The following COL12A1 variants were observed in gnomAD, a reference collection of about 807,000 sequenced individuals.
The protein encoded by COL12A1 is collagen type XII alpha 1 chain.
A neutral mutation model predicts 349.7 loss-of-function variants in COL12A1; 114 were observed. The observed-to-expected ratio is 0.33, with a 90% CI of 0.28 to 0.38. The LOEUF (loss-of-function observed/expected upper bound fraction) is 0.38. Among genes scored for constraint, COL12A1 ranks in the 10% least tolerant of loss-of-function variants. COL12A1 has a pLI of 1.00. For missense variants in COL12A1, 3,284 were observed against 3,756.9 expected, an observed-to-expected ratio of 0.87 and a Z score of 3.29; for synonymous variants, 1,369 against 1,329.0, an observed-to-expected ratio of 1.03 and a Z score of -0.66.
intron 39 of COL12A1, 79 bp downstream of exon 39, chr6:75,126,272 T>A (rs904917825): frequency 1.3e-6 from 2 of 1,491,434 alleles, no homozygotes; most frequent in African/African-American, 1.4e-5. Context: ...AACCCAACAG[T>A]GGGGGATGAA....
chr6:75,120,830 T>C (rs566223380), intron 44 of COL12A1, among the ~76,000 whole-genome samples: 1 of 152,286 alleles, frequency 6.6e-6, no homozygotes, highest in African/African-American at 2.4e-5. Flanking sequence ...ACAAATGAAA[T>C]ACGCTTTAGC....
chr6:75,086,588 A>G, intron 65 of COL12A1, 31 bp from the exon 66 acceptor site: 1 of 1,585,428 alleles, frequency 6.3e-7, no homozygotes, highest in Non-Finnish European at 8.6e-7. Flanking sequence ...TAGTTTTTAA[A>G]AGTTGAATGA....
chr6:75,163,623 A>G (rs567900567), intron 14 of COL12A1, among the ~76,000 whole-genome samples: 1 of 152,220 alleles, frequency 6.6e-6, no homozygotes, highest in South Asian at 2.1e-4. Flanking sequence ...TAAAAAACCT[A>G]CACATTCTGC....
chr6:75,098,673 G>A (rs1339931192), intron 58 of COL12A1, among the ~76,000 whole-genome samples: 1 of 151,970 alleles, frequency 6.6e-6, no homozygotes, highest in African/African-American at 2.4e-5. Context: ...AAAAACAGAG[G>A]TAAAGCTGTC....
At chr6:75,188,116 C>T (rs995291688) in intron 8 of COL12A1, among the ~76,000 whole-genome samples, 1 of 152,088 alleles carries the variant, frequency 6.6e-6, no homozygotes. Context: ...TAAATCATAA[C>T]TTGTCCCCCA....
chr6:75,130,289 C>A lies in COL12A1; in HGVS notation c.6068-56G>T. 4 of 1,565,264 alleles carry A rather than the reference C, an allele frequency of 2.6e-6. No homozygotes were observed. In the South Asian group the frequency reaches 4.7e-5, roughly 18 times the overall value. On this transcript the variant is annotated intron_variant, in intron 36 of 65. Transcript: ENST00000322507. The stretch of plus-strand genomic sequence containing the variant: ...GCCTGCCTGTGAGCATTACCTAAGT[C>A]AGATTAAGGAGGTTGCTTGCATGTG...
At chr6:75,130,685 C>A (rs1766256510) in intron 36 of COL12A1, among the ~76,000 whole-genome samples, 167 bp downstream of exon 36, 2 of 152,240 alleles carry the variant, frequency 1.3e-5, no homozygotes, top group Non-Finnish European at 2.9e-5. Context: ...TCACGTCACA[C>A]AAACAACAGT....
intron 53 of COL12A1, among the ~76,000 whole-genome samples, chr6:75,106,029 T>C (rs753383461): frequency 6.6e-6 from 1 of 152,130 alleles, no homozygotes; most frequent in Non-Finnish European, 1.5e-5. Context: ...TAAAGAAAAG[T>C]CATCATCTCA....
chr6:75,115,859 G>T lies in COL12A1; in HGVS notation c.7622C>A (p.Ser2541Tyr). ...GCTGGGGAAAGACCCTGACTCCAAAGATACTCCTTGTACAGAAGCAAAATT... is the reference window on the plus strand; with the variant it reads ...GCTGGGGAAAGACCCTGACTCCAAATATACTCCTTGTACAGAAGCAAAATT... Reference protein sequence around the residue: ...EKNFASVQGVSLESGSFPSYS... With the variant: ...EKNFASVQGVYLESGSFPSYS... The change falls in exon 49 of 66, where the codon TCT (serine) becomes TAT (tyrosine). Residue 2541 changes from serine to tyrosine, a missense_variant. This residue lies in a region of COL12A1 where 683 missense variants were observed against 932.1 expected (regional missense o/e 0.73). Transcript: ENST00000322507. The T allele has an allele frequency of 6.2e-7, 1 of 1,613,630 alleles. No individual in the cohort carries two copies. Among genetic ancestry groups the T allele is most frequent in the Non-Finnish European group, 8.5e-7 (1 of 1,179,696 alleles).
intron 46 of COL12A1, 113 bp downstream of exon 46, chr6:75,118,930 G>C: frequency 7.1e-7 from 1 of 1,411,712 alleles, no homozygotes; most frequent in Non-Finnish European, 9.8e-7. Context: ...ATACCGTGCA[G>C]AGTGAAACAG....
chr6:75,138,203 G>T, intron 30 of COL12A1, 117 bp downstream of exon 30: 1 of 1,100,160 alleles, frequency 9.1e-7, no homozygotes, highest in Non-Finnish European at 1.3e-6. Flanking sequence ...AGTTCTCAAT[G>T]AACATCTTAG....
intron 51 of COL12A1, 26 bp downstream of exon 51, chr6:75,113,178 A>C (rs754533371): frequency 1.6e-6 from 2 of 1,228,600 alleles, no homozygotes; most frequent in Non-Finnish European, 2.2e-6. Flanking sequence ...TCTAGAAATA[A>C]GACTCAAATA....
intron 2 of COL12A1, among the ~76,000 whole-genome samples, chr6:75,202,183 C>T (rs1770562229): frequency 6.6e-6 from 1 of 152,248 alleles, no homozygotes; most frequent in Admixed American, 6.5e-5. Flanking sequence ...TGGCTGCTGG[C>T]TCATCTGCCC....
chr6:75,181,265 C>G, intron 10 of COL12A1, 54 bp from the exon 11 acceptor site: 1 of 1,491,082 alleles, frequency 6.7e-7, no homozygotes, highest in Middle Eastern at 2.3e-4. Flanking sequence ...TAAAACAAAA[C>G]AGTAACCAAT....
At chr6:75,093,066 G>A (rs1042224249) in intron 60 of COL12A1, among the ~76,000 whole-genome samples, 1 of 152,120 alleles carries the variant, frequency 6.6e-6, no homozygotes, top group Non-Finnish European at 1.5e-5. Context: ...GAGGTTCCTA[G>A]ATGACTGTAT....
At chr6:75,124,740 G>T (rs1765929252) in intron 40 of COL12A1, among the ~76,000 whole-genome samples, 1 of 152,076 alleles carries the variant, frequency 6.6e-6, no homozygotes, top group Admixed American at 6.6e-5. Context: ...CACTAATCAT[G>T]ATTCAATAAT....
At chr6:75,167,156 T>G (rs913219020) in intron 13 of COL12A1, among the ~76,000 whole-genome samples, 1 of 152,202 alleles carries the variant, frequency 6.6e-6, no homozygotes, top group East Asian at 1.9e-4. Flanking sequence ...GTCATACACC[T>G]TTCTATTTTC....
chr6:75,186,767 C>G (rs890499610), intron 8 of COL12A1, among the ~76,000 whole-genome samples: 4 of 152,104 alleles, frequency 2.6e-5, no homozygotes, highest in Admixed American at 6.6e-5. Flanking sequence ...TACATATATA[C>G]CATGGAATAC....
intron 57 of COL12A1, 77 bp from the exon 58 acceptor site, chr6:75,101,730 ATT>A: frequency 2.1e-6 from 3 of 1,414,900 alleles, no homozygotes; most frequent in South Asian, 1.4e-5. Context: ...TATTTTCCAA[ATT>A]TTTTTTTTAA....
Sources: gnomAD v4.1 joint callset for allele counts (sites outside exome capture counted in the v4.1 genomes callset) on GRCh38, gnomAD v4.1.1 for gene constraint, gnomAD v4.1.1 regional missense constraint, MANE v1.5 for transcripts, NCBI Gene and HGNC (gene_info 2026-07-23, HGNC 2026-07-21) for gene names.